NBN: variants seen among roughly 807,000 people sequenced by gnomAD.
The protein encoded by NBN is nibrin, also known as Nijmegen breakage syndrome 1 (nibrin).
A neutral mutation model predicts 90.8 loss-of-function variants in NBN; 88 were observed. The observed-to-expected ratio is 0.97, with a 90% CI of 0.82 to 1.16. The LOEUF (loss-of-function observed/expected upper bound fraction) is 1.16. Among genes scored for constraint, NBN ranks in the 50% most tolerant of loss-of-function variants. The pLI is 0.00. For synonymous variants in NBN, 328 were observed against 295.1 expected, an observed-to-expected ratio of 1.11 and a Z score of -1.14; for missense variants, 894 against 869.6, an observed-to-expected ratio of 1.03 and a Z score of -0.35.
rs587780094 is a variant in NBN, at chr8:89,981,475, A to G, written c.220T>C (p.Tyr74His). 9.9e-6 allele frequency: 16 copies of G among 1,613,438 alleles called. No homozygotes were observed. Among genetic ancestry groups the G allele is most frequent in the Non-Finnish European group, 1.4e-5 (16 of 1,179,438 alleles). ...PVLTLKDNSK[Y>H]GTFVNEEKMQ... ...TTTTCCTCATTAACAAAGGTACCAT[A>G]CTTAGAATTATCTTTTAATGTCAAT... Residue 74 changes from tyrosine to histidine, a missense_variant, in exon 3 of 16, where the codon TAT becomes CAT. Coordinates refer to ENST00000265433, the MANE Select transcript of NBN (RefSeq NM_002485.5).
rs146953242 is a variant in NBN, at chr8:89,964,750, C to A, written c.897-243G>T. On this transcript the variant is annotated intron_variant, in intron 7 of 15. Transcript: ENST00000265433. ...AAATAAGGGGCTAAAGAATATAGATCTTCCCAGTTCTAAAATTCTACAATT... is the reference window on the plus strand; with the variant it reads ...AAATAAGGGGCTAAAGAATATAGATATTCCCAGTTCTAAAATTCTACAATT... Among the ~76,000 whole-genome samples, 36 of 152,228 alleles carry A rather than the reference C, an allele frequency of 2.4e-4. No homozygotes were observed. The East Asian group carries it at 6.2e-3, about 26-fold the overall frequency.
intron 5 of NBN, among the ~76,000 whole-genome samples, chr8:89,971,574 A>C (rs2129842015): frequency 6.6e-6 from 1 of 152,320 alleles, no homozygotes; most frequent in East Asian, 1.9e-4. Context: ...CATTAAACAC[A>C]CATGACTCAA....
chr8:89,973,958 C>T (rs557413946), intron 5 of NBN, among the ~76,000 whole-genome samples: 5 of 152,234 alleles, frequency 3.3e-5, no homozygotes, highest in African/African-American at 1.2e-4. Context: ...TATTATGAAT[C>T]ATACATTCTA....
In NBN at chr8:89,953,645, T is replaced by C. The variant is rs886063168; in HGVS notation, c.1444A>G (p.Arg482Gly). The C allele has an allele frequency of 3.1e-6, 5 of 1,612,846 alleles. No individual in the cohort carries two copies. Among genetic ancestry groups the C allele is most frequent in the Non-Finnish European group, 4.2e-6 (5 of 1,179,532 alleles). ...AAAAGAGAACAAGACGTTTCTATTCTTGCTGATTTGCATGAAGACATTTCT... is the reference window on the plus strand; with the variant it reads ...AAAAGAGAACAAGACGTTTCTATTCCTGCTGATTTGCATGAAGACATTTCT... The part of the protein sequence containing the change: ...NQEMSSCKSA[R>G]IETSCSLLEQ... The change falls in exon 11 of 16, where the codon AGA becomes GGA. Residue 482 changes from arginine (R) to glycine (G), a missense_variant. By Grantham distance (125) the Arg-to-Gly change is moderately radical. Coordinates refer to ENST00000265433, the MANE Select transcript of NBN (RefSeq NM_002485.5).
chr8:89,954,232 A>G (rs1346467825), intron 10 of NBN, among the ~76,000 whole-genome samples: 1 of 152,172 alleles, frequency 6.6e-6, no homozygotes, highest in Non-Finnish European at 1.5e-5. Context: ...CAAACACTTT[A>G]TGCAAACTGT....
chr8:89,983,898 T>C (rs1812195726), intron 1 of NBN, among the ~76,000 whole-genome samples: 1 of 152,112 alleles, frequency 6.6e-6, no homozygotes, highest in East Asian at 1.9e-4. Context: ...ATTTAGTCTC[T>C]ACATAGATCT....
At chr8:89,962,257 T>C (rs1811024582) in intron 8 of NBN, among the ~76,000 whole-genome samples, 1 of 152,192 alleles carries the variant, frequency 6.6e-6, no homozygotes, top group Admixed American at 6.5e-5. Context: ...CTGAAGCATA[T>C]ATCTAGTTGA....
At chr8:89,971,401 A>T in intron 5 of NBN, 111 bp from the exon 6 acceptor site, 3 of 1,235,972 alleles carry the variant, frequency 2.4e-6, no homozygotes, top group Non-Finnish European at 3.2e-6. Flanking sequence ...TAATACCTTT[A>T]TAGTATTTTT....
At chr8:89,982,681 C>T (rs1301973816) in intron 2 of NBN, 41 bp downstream of exon 2, 1 of 1,551,876 alleles carries the variant, frequency 6.4e-7, no homozygotes, top group Non-Finnish European at 8.9e-7. Flanking sequence ...GTGATTTCAA[C>T]CCCCTTACTG....
At chr8:89,952,902 T>C (rs1810504847) in intron 11 of NBN, among the ~76,000 whole-genome samples, 1 of 152,206 alleles carries the variant, frequency 6.6e-6, no homozygotes, top group East Asian at 1.9e-4. Context: ...ATTGAGTAGA[T>C]ACTTTGTTTT....
At chr8:89,967,280 T>C (rs758210959) in intron 7 of NBN, among the ~76,000 whole-genome samples, 6 of 152,276 alleles carry the variant, frequency 3.9e-5, no homozygotes, top group South Asian at 2.1e-4. Context: ...CTATCCAAGG[T>C]TGGTTCCCAC....
At chr8:89,976,016 C>CT (rs900560647) in intron 5 of NBN, among the ~76,000 whole-genome samples, 8 of 151,444 alleles carry the variant, frequency 5.3e-5, no homozygotes, top group East Asian at 3.9e-4. Flanking sequence ...CTTTCAACTT[C>CT]TTTTTTTTTG....
intron 5 of NBN, among the ~76,000 whole-genome samples, chr8:89,976,867 C>CA (rs953578491): frequency 6.6e-6 from 1 of 151,940 alleles, no homozygotes; most frequent in African/African-American, 2.4e-5. Context: ...AGTATAAATA[C>CA]AAAAAAACTT....
chr8:89,947,700 C>T (rs1249670597), intron 12 of NBN, 124 bp downstream of exon 12: 1 of 579,832 alleles, frequency 1.7e-6, no homozygotes, highest in Non-Finnish European at 3.2e-6. Flanking sequence ...TTTCAAGGCA[C>T]AATCATGAAG....
chr8:89,958,402 C>T lies in NBN; in HGVS notation c.1124+323G>A, dbSNP rs540983850. The stretch of plus-strand genomic sequence containing the variant: ...GCCAAAATTGTGTAAGGAAGCATTT[C>T]TTGGAAAGTATCCTTGTCTTTAAGA... On this transcript the variant is annotated intron_variant, in intron 9 of 15. Coordinates refer to ENST00000265433, the MANE Select transcript of NBN (RefSeq NM_002485.5). Among the ~76,000 whole-genome samples the T allele has an allele frequency of 3.3e-5, 5 of 152,334 alleles. No individual in the cohort carries two copies. In the South Asian group the frequency reaches 1.0e-3, roughly 32 times the overall value.
At chr8:89,947,223 A>C (rs1395283358) in intron 12 of NBN, among the ~76,000 whole-genome samples, 1 of 152,180 alleles carries the variant, frequency 6.6e-6, no homozygotes, top group Non-Finnish European at 1.5e-5. Context: ...AGAGTATTTG[A>C]GGTTCTTAAA....
In NBN at chr8:89,943,286, T is replaced by C. The variant is rs760687282; in HGVS notation, c.2151A>G (p.Thr717=). 6 of 1,613,682 alleles carry C rather than the reference T, an allele frequency of 3.7e-6. No homozygotes were observed. The highest frequency in any genetic ancestry group is 1.1e-5 in the South Asian group (1 of 91,082). ...CCTGCCTTAGCCACTCTTCTAGTTC[T>C]GTATTCTTTCGAGCATGATGAGCTA... ...DLIAHHARKN[T]ELEEWLRQEM... is the part of the protein sequence containing the mutation. The change falls in exon 14 of 16, where the codon ACA becomes ACG. Residue 717 remains threonine, a synonymous_variant. Coordinates refer to ENST00000265433, the MANE Select transcript of NBN (RefSeq NM_002485.5).
At chr8:89,936,499 T>C (rs868281243) in intron 15 of NBN, among the ~76,000 whole-genome samples, 1 of 151,246 alleles carries the variant, frequency 6.6e-6, no homozygotes, top group South Asian at 2.1e-4. Flanking sequence ...AGTATTTTAT[T>C]AGTATTTCAG....
chr8:89,943,155 C>T, intron 14 of NBN, 98 bp downstream of exon 14: 1 of 1,270,672 alleles, frequency 7.9e-7, no homozygotes, highest in East Asian at 2.4e-5. Context: ...CTTTATGTCA[C>T]TTATTTTAAT....
Sources: gnomAD v4.1 joint callset for allele counts (sites outside exome capture counted in the v4.1 genomes callset) on GRCh38, gnomAD v4.1.1 for gene constraint, MANE v1.5 for transcripts, NCBI Gene and HGNC (gene_info 2026-07-23, HGNC 2026-07-21) for gene names.